The following WDR43 variants were observed in gnomAD, a reference collection of about 807,000 sequenced individuals.
The protein encoded by WDR43 is WD repeat domain 43, also known as WD repeat-containing protein 43.
Under a neutral mutation model 91.4 loss-of-function variants are expected in WDR43, and 13 were observed. The observed-to-expected ratio is 0.14, with a 90% CI of 0.09 to 0.23. WDR43 has a LOEUF of 0.23. WDR43 is among the 10% of genes least tolerant of loss of function. The probability of loss-of-function intolerance (pLI) is 1.00; values close to 1 mark genes in which losing one functional copy is unlikely to be tolerated. For missense variants in WDR43, 780 were observed against 809.4 expected (o/e 0.96, Z 0.44); for synonymous variants, 331 against 287.9 (o/e 1.15, Z -1.51).
At position 28,927,608 on chromosome 2, in the gene WDR43, G is replaced by A. The variant is rs1217575226; in HGVS notation, c.1213G>A (p.Val405Met). 5.0e-6 allele frequency: 8 copies of A among 1,613,862 alleles called. No homozygotes were observed. In the South Asian group the frequency reaches 7.7e-5, roughly 16 times the overall value. ...PVMNSEAKVL[V>M]PGIPGHHAAI... Reference sequence around the variant, plus strand: ...GATGAATTCTGAAGCAAAAGTTCTGGTGCCTGGGATTCCTGGTCATCATGC... The same window carrying A: ...GATGAATTCTGAAGCAAAAGTTCTGATGCCTGGGATTCCTGGTCATCATGC... The change falls in exon 10 of 18, where the codon GTG becomes ATG. Residue 405 changes from valine to methionine, a missense_variant. Coordinates refer to ENST00000407426, the MANE Select transcript of WDR43 (RefSeq NM_015131.3).
chr2:28,927,951 G>A (rs1214160586), intron 10 of WDR43: 3 of 387,102 alleles, frequency 7.7e-6, no homozygotes, highest in African/African-American at 4.1e-5. Context: ...AGTTAGCTGG[G>A]TAACATAAAA....
chr2:28,939,157 G>A (rs1241072268), intron 14 of WDR43, among the ~76,000 whole-genome samples: 5 of 148,010 alleles, frequency 3.4e-5, no homozygotes, highest in African/African-American at 9.9e-5. Flanking sequence ...GGGAGCACTG[G>A]TGAGAGGAGT....
At position 28,927,684 on chromosome 2, in the gene WDR43, A is replaced by C; in HGVS notation, c.1289A>C (p.Lys430Thr). The C allele has an allele frequency of 6.2e-7, 1 of 1,613,932 alleles. No homozygotes were observed. The highest frequency in any genetic ancestry group is 8.5e-7 in the Non-Finnish European group (1 of 1,179,834). Residue 430 changes from lysine to threonine, a missense_variant, in exon 10 of 18, where the codon AAG becomes ACG. This residue lies in a region of WDR43 where 426 missense variants were observed against 467.8 expected (regional missense o/e 0.91). Transcript: ENST00000407426. ...PQTEQVESKRKSGGNEVSIEE... is the reference protein window; with the variant it reads ...PQTEQVESKRTSGGNEVSIEE... ...ACCGAGCAAGTAGAGAGCAAGAGGA[A>C]GTCAGGGGGAAATGAGGTAATGCAA... is the stretch of plus-strand genomic sequence containing the variant.
intron 2 of WDR43, among the ~76,000 whole-genome samples, chr2:28,902,702 A>G (rs958038034): frequency 6.6e-6 from 1 of 152,244 alleles, no homozygotes; most frequent in African/African-American, 2.4e-5. Context: ...ACAGGAAGGA[A>G]CAAGTCCCTT....
Position 28,922,985 on chromosome 2 carries a change from TAAGTAAGAAATTTTCC to T in WDR43, c.914+16_914+31del. ...TCTTTTTGAACACATATTAAATGGG[TAAGTAAGAAATTTTCC>T]AAGTAAGAAATTTGTTTCTTTCCCT... On this transcript the variant is annotated splice_donor_5th_base_variant and intron_variant, in intron 7 of 17. Coordinates refer to ENST00000407426, the MANE Select transcript of WDR43 (RefSeq NM_015131.3). 15 of 1,609,228 alleles carry T rather than the reference TAAGTAAGAAATTTTCC, an allele frequency of 9.3e-6. No individual in the cohort carries two copies. Among genetic ancestry groups the T allele is most frequent in the Non-Finnish European group, 1.2e-5 (14 of 1,178,504 alleles).
chr2:28,923,032 G>T, intron 7 of WDR43, 49 bp downstream of exon 7: 1 of 1,513,298 alleles, frequency 6.6e-7, no homozygotes, highest in South Asian at 1.2e-5. Flanking sequence ...TCCCTGACTT[G>T]TTACTTGGTC....
chr2:28,895,174 G>C (rs1670453402), intron 1 of WDR43: 1 of 344,196 alleles, frequency 2.9e-6, no homozygotes, highest in Non-Finnish European at 5.2e-6. Flanking sequence ...GCCCAATGAG[G>C]CCTGGGCCCC....
chr2:28,936,328 G>A (rs542274437), intron 12 of WDR43, among the ~76,000 whole-genome samples: 1 of 152,140 alleles, frequency 6.6e-6, no homozygotes, highest in East Asian at 1.9e-4. Flanking sequence ...TATCTAACAT[G>A]CTGCTGAAGT....
intron 9 of WDR43, chr2:28,927,048 A>G (rs1410113203): frequency 1.9e-6 from 1 of 518,802 alleles, no homozygotes; most frequent in Non-Finnish European, 3.8e-6. Context: ...TGGTTTAGTG[A>G]GAAAGGGAAA....
At position 28,894,791 on chromosome 2, in the gene WDR43, G is replaced by C; in HGVS notation, c.93G>C (p.Leu31Phe). Residue 31 changes from leucine to phenylalanine, a missense_variant, in exon 1 of 18, where the codon TTG (leucine) becomes TTC (phenylalanine). This residue lies in a region of WDR43 where 175 missense variants were observed against 113.8 expected (regional missense o/e 1.54). Coordinates refer to ENST00000407426, the MANE Select transcript of WDR43 (RefSeq NM_015131.3). ...CGCACAGCCAGGCCTACTTCGCTTTGGCCTCTACCGACGGTCACTTACGAG... is the reference window on the plus strand; with the variant it reads ...CGCACAGCCAGGCCTACTTCGCTTTCGCCTCTACCGACGGTCACTTACGAG... ...FSPHSQAYFA[L>F]ASTDGHLRVW... The C allele has an allele frequency of 6.2e-7, 1 of 1,609,598 alleles. No individual in the cohort carries two copies. Among genetic ancestry groups the C allele is most frequent in the Non-Finnish European group, 8.5e-7 (1 of 1,178,144 alleles).
chr2:28,915,435 T>A (rs1321564132), intron 5 of WDR43, among the ~76,000 whole-genome samples: 1 of 152,222 alleles, frequency 6.6e-6, no homozygotes, highest in East Asian at 1.9e-4. Context: ...CTCAAATGTT[T>A]TACCGCTTAG....
chr2:28,932,634 G>A (rs1671269997), intron 11 of WDR43, among the ~76,000 whole-genome samples: 1 of 152,128 alleles, frequency 6.6e-6, no homozygotes, highest in Admixed American at 6.6e-5. Context: ...ACATAGTTAT[G>A]AGGATATTAA....
rs925566313 is a variant in WDR43 at position 28,947,112 on chromosome 2, A to G, written c.*333A>G. 6.0e-5 allele frequency: 10 copies of G among 165,792 alleles called. No individual in the cohort carries two copies. Among genetic ancestry groups the G allele is most frequent in the African/African-American group, 2.1e-4 (9 of 41,902 alleles). 10.3% of individuals were successfully genotyped at this position (165,792 alleles called of 1,614,324 possible). A position where few individuals can be genotyped will look rare whatever the true frequency, so the allele number is the denominator to read the frequency against. ...ACAAGTGCAGATAAAGACCTTTCCCATAGGAGTTCAAGAACTGGACTGTTG... is the reference window on the plus strand; with the variant it reads ...ACAAGTGCAGATAAAGACCTTTCCCGTAGGAGTTCAAGAACTGGACTGTTG... On this transcript the variant is annotated 3_prime_UTR_variant, in exon 18 of 18. Transcript: ENST00000407426.
intron 8 of WDR43, among the ~76,000 whole-genome samples, chr2:28,925,406 T>A (rs976502921): frequency 6.6e-6 from 1 of 152,228 alleles, no homozygotes; most frequent in African/African-American, 2.4e-5. Context: ...TTTAAAAATC[T>A]GGTGTGTATT....
intron 4 of WDR43, 77 bp downstream of exon 4, chr2:28,912,787 A>G: frequency 3.2e-6 from 5 of 1,538,608 alleles, no homozygotes; most frequent in African/African-American, 1.4e-5. Context: ...GAACCATAAG[A>G]TATTATTTTA....
At chr2:28,915,304 A>G (rs896027943) in intron 5 of WDR43, among the ~76,000 whole-genome samples, 6 of 152,190 alleles carry the variant, frequency 3.9e-5, no homozygotes, top group African/African-American at 1.4e-4. Flanking sequence ...ATTTTTGAGA[A>G]GAGCCAATGG....
chr2:28,931,051 T>C (rs1671229641), intron 11 of WDR43, among the ~76,000 whole-genome samples: 1 of 151,914 alleles, frequency 6.6e-6, no homozygotes, highest in African/African-American at 2.4e-5. Context: ...TTTCCCTGAT[T>C]GTCTCAAACT....
At chr2:28,917,103 CA>C (rs1670925706) in intron 5 of WDR43, among the ~76,000 whole-genome samples, 1 of 151,908 alleles carries the variant, frequency 6.6e-6, no homozygotes. Flanking sequence ...CACAAAAATG[CA>C]AAAAACATGG....
chr2:28,939,266 C>T (rs866163977), intron 14 of WDR43, among the ~76,000 whole-genome samples: 5 of 151,990 alleles, frequency 3.3e-5, no homozygotes, highest in Middle Eastern at 3.2e-3. Flanking sequence ...ATTGCATGAA[C>T]GATCCCAGCA....
Sources: gnomAD v4.1 joint callset for allele counts (sites outside exome capture counted in the v4.1 genomes callset) on GRCh38, gnomAD v4.1.1 for gene constraint, gnomAD v4.1.1 regional missense constraint, MANE v1.5 for transcripts, NCBI Gene and HGNC (gene_info 2026-07-23, HGNC 2026-07-21) for gene names.